Variants in DGKB observed in about 807,000 individuals in gnomAD.
DGKB encodes 90 kDa diacylglycerol kinase.
A neutral mutation model predicts 114.3 loss-of-function variants in DGKB; 67 were observed. The ratio of observed to expected loss-of-function variants is 0.59; its 90% CI spans 0.48 to 0.72. The LOEUF (loss-of-function observed/expected upper bound fraction) is 0.72, where lower values mean the gene tolerates loss of function less well. Ranked by LOEUF, DGKB falls within the 30% of genes least tolerant of loss-of-function variation. DGKB has a pLI of 0.00. For missense variants in DGKB, 907 were observed against 975.2 expected (o/e 0.93, Z 0.93); for synonymous variants, 398 against 323.1 (o/e 1.23, Z -2.49).
At position 14,340,987 on chromosome 7, in the gene DGKB, C is replaced by CTT. The variant is rs11376529; in HGVS notation, c.1927-2279_1927-2278dup. Among the ~76,000 whole-genome samples, 417 of 148,692 alleles carry CTT rather than the reference C, an allele frequency of 2.8e-3. 8 individuals carry two copies. Among genetic ancestry groups the CTT allele is most frequent in the Non-Finnish European group, 1.8e-3 (120 of 67,052 alleles). ...AGGAGAGCATGTTGCAAAGAGGCTT[C>CTT]TTTTTTTTTTAAAAAAAAGAATTGA... On this transcript the variant is annotated intron_variant, in intron 22 of 25. Transcript: ENST00000402815.
chr7:14,875,291 C>T (rs900020937), intron 1 of DGKB, among the ~76,000 whole-genome samples: 3 of 152,132 alleles, frequency 2.0e-5, no homozygotes, highest in Non-Finnish European at 4.4e-5. Context: ...CTAACATCCT[C>T]GTTGACTGCC....
At chr7:14,331,700 A>T (rs1408660132) in intron 23 of DGKB, among the ~76,000 whole-genome samples, 2 of 152,140 alleles carry the variant, frequency 1.3e-5, no homozygotes, top group Non-Finnish European at 2.9e-5. Flanking sequence ...AGATGAAGAC[A>T]TGGGAGCTAG....
chr7:14,713,472 GGAGA>G (rs1184957113), intron 6 of DGKB, among the ~76,000 whole-genome samples: 2 of 151,994 alleles, frequency 1.3e-5, no homozygotes, highest in African/African-American at 2.4e-5. Context: ...CCAGTTTAAT[GGAGA>G]GAGATTTTCG....
intron 2 of DGKB, among the ~76,000 whole-genome samples, chr7:14,803,779 G>T (rs1032209112): frequency 1.1e-4 from 17 of 151,982 alleles, no homozygotes; most frequent in African/African-American, 4.1e-4. Flanking sequence ...TATGGGCTTT[G>T]AAAACTGTGT....
At chr7:14,374,314 A>T (rs1329119175) in intron 21 of DGKB, among the ~76,000 whole-genome samples, 1 of 152,064 alleles carries the variant, frequency 6.6e-6, no homozygotes, top group Non-Finnish European at 1.5e-5. Flanking sequence ...ACCTGACAGC[A>T]TATCTCCCTC....
intron 8 of DGKB, among the ~76,000 whole-genome samples, chr7:14,694,571 T>A (rs1163258353): frequency 6.6e-6 from 1 of 152,228 alleles, no homozygotes. Flanking sequence ...AAAGAGCTCA[T>A]ATAATTCTTT....
At position 14,682,778 on chromosome 7, in the gene DGKB, T is replaced by C; in HGVS notation, c.893A>G (p.Tyr298Cys). 4 of 1,611,032 alleles carry C rather than the reference T, an allele frequency of 2.5e-6. No homozygotes were observed. The highest frequency in any genetic ancestry group is 3.4e-6 in the Non-Finnish European group (4 of 1,178,304). Residue 298 changes from tyrosine to cysteine, a missense_variant, in exon 11 of 26, where the codon TAT becomes TGT. By Grantham distance (194) the Tyr-to-Cys change is radical. Coordinates refer to ENST00000402815, the MANE Select transcript of DGKB (RefSeq NM_001350709.2). Reference protein sequence around the residue: ...ARAPPSCIKTYVKSKRNTDVM... With the variant: ...ARAPPSCIKTCVKSKRNTDVM... ...ATCAGTGTTCCTTTTGGACTTCACATAGGTCTTGATGCAAGAGGGAGGTGC... is the reference window on the plus strand; with the variant it reads ...ATCAGTGTTCCTTTTGGACTTCACACAGGTCTTGATGCAAGAGGGAGGTGC...
chr7:14,631,914 G>A lies in DGKB; in HGVS notation c.1135-1646C>T, dbSNP rs748266198. On this transcript the variant is annotated intron_variant, in intron 13 of 25. Coordinates refer to ENST00000402815, the MANE Select transcript of DGKB (RefSeq NM_001350709.2). ...GGATCCTTATCCCATTCTGTGCCATGGACCCAGGAAACTCTCAGAGACTCT... is the reference window on the plus strand; with the variant it reads ...GGATCCTTATCCCATTCTGTGCCATAGACCCAGGAAACTCTCAGAGACTCT... 2.0e-5 allele frequency among the ~76,000 whole-genome samples: 3 copies of A among 151,976 alleles called. No individual in the cohort carries two copies. The South Asian group carries it at 6.2e-4, about 32-fold the overall frequency.
At chr7:14,472,451 A>T (rs1781560223) in intron 21 of DGKB, among the ~76,000 whole-genome samples, 1 of 152,184 alleles carries the variant, frequency 6.6e-6, no homozygotes, top group South Asian at 2.1e-4. Context: ...TGGAACTGTA[A>T]GTCCAATAAA....
At chr7:14,407,947 A>G (rs1824211058) in intron 21 of DGKB, among the ~76,000 whole-genome samples, 1 of 152,094 alleles carries the variant, frequency 6.6e-6, no homozygotes, top group Admixed American at 6.6e-5. Flanking sequence ...AACAGTCTGG[A>G]TAGGGCATAA....
intron 20 of DGKB, among the ~76,000 whole-genome samples, chr7:14,491,394 C>T (rs1163752372): frequency 6.6e-6 from 1 of 152,044 alleles, no homozygotes; most frequent in East Asian, 1.9e-4. Flanking sequence ...GCACGTGGAA[C>T]TGTGAATCCA....
intron 5 of DGKB, among the ~76,000 whole-genome samples, chr7:14,720,876 A>C (rs1829060903): frequency 6.6e-6 from 1 of 152,030 alleles, no homozygotes; most frequent in African/African-American, 2.4e-5. Flanking sequence ...AGACCGGAAT[A>C]ATTGAAACTA....
At chr7:14,693,549 A>C (rs559104448) in intron 9 of DGKB, among the ~76,000 whole-genome samples, 2 of 151,294 alleles carry the variant, frequency 1.3e-5, no homozygotes, top group South Asian at 4.2e-4. Context: ...CGTTTATTTA[A>C]GTTGGTGCAA....
At chr7:14,870,463 T>C (rs1211804868) in intron 1 of DGKB, among the ~76,000 whole-genome samples, 1 of 152,162 alleles carries the variant, frequency 6.6e-6, no homozygotes, top group Non-Finnish European at 1.5e-5. Context: ...TGACAAAGAC[T>C]TAAGTACGAA....
chr7:14,620,027 C>T (rs1282923637), intron 15 of DGKB, among the ~76,000 whole-genome samples: 6 of 151,076 alleles, frequency 4.0e-5, no homozygotes, highest in African/African-American at 7.3e-5. Context: ...TAGGCATCCA[C>T]GTATTGAATT....
At chr7:14,748,032 C>G (rs1419672405) in intron 4 of DGKB, among the ~76,000 whole-genome samples, 1 of 152,166 alleles carries the variant, frequency 6.6e-6, no homozygotes, top group African/African-American at 2.4e-5. Flanking sequence ...AGAGAAGACA[C>G]TAGTATTCAT....
At chr7:14,293,186 T>C (rs879151474) in intron 23 of DGKB, among the ~76,000 whole-genome samples, 17 of 152,200 alleles carry the variant, frequency 1.1e-4, no homozygotes, top group African/African-American at 4.1e-4. Context: ...ATTTCAATTA[T>C]TGAATAATTT....
chr7:14,852,668 G>A (rs941891321), intron 1 of DGKB, among the ~76,000 whole-genome samples: 1 of 151,976 alleles, frequency 6.6e-6, no homozygotes, highest in Middle Eastern at 3.4e-3. Flanking sequence ...AAATGACTAC[G>A]AATAAAGGAT....
At chr7:14,812,181 C>A (rs545014605) in intron 2 of DGKB, among the ~76,000 whole-genome samples, 12 of 152,098 alleles carry the variant, frequency 7.9e-5, no homozygotes, top group Admixed American at 7.2e-4. Flanking sequence ...TTTATCAAAT[C>A]ATGCTTCTAT....
Sources: gnomAD v4.1 joint callset for allele counts (sites outside exome capture counted in the v4.1 genomes callset) on GRCh38, gnomAD v4.1.1 for gene constraint, MANE v1.5 for transcripts, NCBI Gene and HGNC (gene_info 2026-07-23, HGNC 2026-07-21) for gene names.